DACH2: variants seen among roughly 807,000 people sequenced by gnomAD.
The protein encoded by DACH2 is dachshund homolog 2.
In DACH2, 17 loss-of-function variants were observed where a neutral mutation model predicts 35.8. That is an observed-to-expected ratio of 0.48 (90% CI 0.33 to 0.71). The LOEUF is 0.71. DACH2 is among the 30% of genes least tolerant of loss of function. The pLI, the probability that DACH2 is intolerant of heterozygous loss-of-function variation, is 0.02. For missense variants in DACH2, 469 were observed against 472.7 expected, an observed-to-expected ratio of 0.99 and a Z score of 0.07; for synonymous variants, 195 against 177.3, an observed-to-expected ratio of 1.10 and a Z score of -0.79.
At chrX:86,507,585 C>T (rs2038342885) in intron 2 of DACH2, among the ~76,000 whole-genome samples, 1 of 110,510 alleles carries the variant, frequency 9.0e-6, no homozygotes, top group South Asian at 3.8e-4. Flanking sequence ...GATGTTTCTT[C>T]TGTGGTCAAA....
chrX:86,510,338 C>CCTATCTTA lies in DACH2; in HGVS notation c.528-3940_528-3933dup, dbSNP rs1306062887. 2.7e-5 allele frequency among the ~76,000 whole-genome samples: 3 copies of CCTATCTTA among 112,071 alleles called. No individual in the cohort carries two copies. In the East Asian group the frequency reaches 8.4e-4, roughly 31 times the overall value. On this transcript the variant is annotated intron_variant, in intron 2 of 11. Coordinates refer to ENST00000373125, the MANE Select transcript of DACH2 (RefSeq NM_053281.3). ...GGAATAGATATATCACAGAATGTGT[C>CCTATCTTA]CTATCTTATTGACACTAGAAGACTT...
chrX:86,280,790 C>T (rs1469387722), intron 1 of DACH2, among the ~76,000 whole-genome samples: 2 of 111,333 alleles, frequency 1.8e-5, no homozygotes, highest in Admixed American at 9.6e-5. Flanking sequence ...CAAATAGCAG[C>T]GTTTGCAATC....
At position 86,666,840 on chromosome X, in the gene DACH2, T is replaced by C. The variant is rs185422698; in HGVS notation, c.772+15673T>C. ...GAAAATTAATAATCCAGATATTGTT[T>C]CATTGCCAATTCTTCATTTTCTTCT... On this transcript the variant is annotated intron_variant, in intron 4 of 11. Coordinates refer to ENST00000373125, the MANE Select transcript of DACH2 (RefSeq NM_053281.3). Among the ~76,000 whole-genome samples, 481 of 111,421 alleles carry C rather than the reference T, an allele frequency of 4.3e-3. 3 individuals are homozygous for C. Among genetic ancestry groups the C allele is most frequent in the African/African-American group, 0.015 (458 of 30,658 alleles).
intron 2 of DACH2, among the ~76,000 whole-genome samples, chrX:86,408,292 A>T (rs1268855959): frequency 9.0e-6 from 1 of 111,630 alleles, no homozygotes; most frequent in East Asian, 2.8e-4. Context: ...AGACACAAAG[A>T]TGCATGTGCC....
At position 86,267,429 on chromosome X, in the gene DACH2, T is replaced by A. The variant is rs900930251; in HGVS notation, c.489-109395T>A. On this transcript the variant is annotated intron_variant, in intron 1 of 11. Coordinates refer to ENST00000373125, the MANE Select transcript of DACH2 (RefSeq NM_053281.3). Reference sequence around the variant, plus strand: ...ACACACAAAATCTGAAAATTCAAAATCTGGAAATTTCAAAAGCTATTGATT... The same window carrying A: ...ACACACAAAATCTGAAAATTCAAAAACTGGAAATTTCAAAAGCTATTGATT... Among the ~76,000 whole-genome samples the A allele has an allele frequency of 2.7e-5, 3 of 112,350 alleles. No individual in the cohort carries two copies. The East Asian group carries it at 8.4e-4, about 31-fold the overall frequency.
At chrX:86,292,171 G>A (rs1166280909) in intron 1 of DACH2, among the ~76,000 whole-genome samples, 62 of 77,123 alleles carry the variant, frequency 8.0e-4, no homozygotes, top group African/African-American at 3.4e-3. Context: ...TATGTGTCGA[G>A]GAATTTATCC....
At chrX:86,800,783 C>T (rs1181336590) in intron 7 of DACH2, among the ~76,000 whole-genome samples, 1 of 111,150 alleles carries the variant, frequency 9.0e-6, no homozygotes, top group Non-Finnish European at 1.9e-5. Context: ...GATTCTCCTG[C>T]CTCAGCCTCC....
chrX:86,333,714 T>A (rs373482792), intron 1 of DACH2, among the ~76,000 whole-genome samples: 1 of 111,914 alleles, frequency 8.9e-6, no homozygotes, highest in Non-Finnish European at 1.9e-5. Context: ...AAATGTTTGA[T>A]CTTTCATAAT....
intron 3 of DACH2, among the ~76,000 whole-genome samples, chrX:86,607,627 G>A (rs1031805619): frequency 2.7e-4 from 29 of 108,567 alleles, no homozygotes; most frequent in Middle Eastern, 4.8e-3. Flanking sequence ...AAGTTTTAGG[G>A]TACATGTTCA....
chrX:86,159,135 T>A (rs2147861570), intron 1 of DACH2, among the ~76,000 whole-genome samples: 1 of 111,200 alleles, frequency 9.0e-6, no homozygotes, highest in African/African-American at 3.3e-5. Context: ...TTTAAAAAAA[T>A]TATGTTAAAA....
chrX:86,590,921 G>A (rs373271531), intron 3 of DACH2, among the ~76,000 whole-genome samples: 1 of 110,578 alleles, frequency 9.0e-6, no homozygotes. Flanking sequence ...CCATTAACTC[G>A]TCATTTAGCA....
intron 3 of DACH2, among the ~76,000 whole-genome samples, chrX:86,596,213 A>G (rs983633876): frequency 7.2e-5 from 8 of 111,692 alleles, no homozygotes; most frequent in Admixed American, 2.9e-4. Flanking sequence ...TTATTTTAAT[A>G]CCTGTTTTCA....
At chrX:86,729,294 CT>C (rs2041506387) in intron 6 of DACH2, among the ~76,000 whole-genome samples, 2 of 112,140 alleles carry the variant, frequency 1.8e-5, no homozygotes, top group South Asian at 7.4e-4. Context: ...TTTCTTTTGG[CT>C]GATTTCTCTC....
intron 1 of DACH2, among the ~76,000 whole-genome samples, chrX:86,235,680 G>C (rs1400297783): frequency 8.9e-6 from 1 of 112,007 alleles, no homozygotes; most frequent in African/African-American, 3.2e-5. Flanking sequence ...AAATACTCTA[G>C]AAAATTACTT....
At chrX:86,410,152 CTT>C (rs2036587629) in intron 2 of DACH2, among the ~76,000 whole-genome samples, 1 of 112,139 alleles carries the variant, frequency 8.9e-6, no homozygotes, top group Non-Finnish European at 1.9e-5. Flanking sequence ...AAAAGACAGT[CTT>C]TCCATTGTTT....
At chrX:86,173,920 T>C in intron 1 of DACH2, among the ~76,000 whole-genome samples, 1 of 110,849 alleles carries the variant, frequency 9.0e-6, no homozygotes, top group East Asian at 2.9e-4. Context: ...TAACAATTGG[T>C]CAGAGTCTGG....
At chrX:86,572,464 G>C (rs1265882096) in intron 3 of DACH2, among the ~76,000 whole-genome samples, 1 of 111,335 alleles carries the variant, frequency 9.0e-6, no homozygotes, top group African/African-American at 3.3e-5. Flanking sequence ...TTTTCTACAT[G>C]CATGTTCATA....
chrX:86,398,830 T>G (rs1254398261), intron 2 of DACH2, among the ~76,000 whole-genome samples: 2 of 111,114 alleles, frequency 1.8e-5, no homozygotes, highest in African/African-American at 6.5e-5. Context: ...AATTTTGGAA[T>G]AGGTGTGGTG....
intron 1 of DACH2, among the ~76,000 whole-genome samples, chrX:86,313,731 AAAATT>A (rs1214007546): frequency 1.8e-5 from 2 of 111,829 alleles, no homozygotes; most frequent in Non-Finnish European, 3.8e-5. Flanking sequence ...AGCAACTTCA[AAAATT>A]ATAGTAGAAG....
Sources: gnomAD v4.1 joint callset for allele counts (sites outside exome capture counted in the v4.1 genomes callset) on GRCh38, gnomAD v4.1.1 for gene constraint, MANE v1.5 for transcripts, NCBI Gene and HGNC (gene_info 2026-07-23, HGNC 2026-07-21) for gene names.